NBEAL2: variants seen among roughly 807,000 people sequenced by gnomAD.
NBEAL2 encodes neurobeachin like 2.
NBEAL2 carries 160 observed loss-of-function variants against 299.8 expected under a neutral mutation model. That is an observed-to-expected ratio of 0.53 (90% CI 0.47 to 0.61). The LOEUF (loss-of-function observed/expected upper bound fraction) is 0.61, where lower values mean the gene tolerates loss of function less well. NBEAL2 is among the 20% of genes least tolerant of loss of function. The probability of loss-of-function intolerance (pLI) is 0.00; values close to 1 mark genes in which losing one functional copy is unlikely to be tolerated. For synonymous variants in NBEAL2, 1,493 were observed against 1,542.3 expected, an observed-to-expected ratio of 0.97 and a Z score of 0.75; for missense variants, 3,112 against 3,649.0, an observed-to-expected ratio of 0.85 and a Z score of 3.79.
Position 46,992,459 on chromosome 3 carries a change from C to T in NBEAL2, c.1033-16C>T, listed in dbSNP as rs371128165. 11 of 1,599,796 alleles carry T rather than the reference C, an allele frequency of 6.9e-6. No homozygotes were observed. The highest frequency in any genetic ancestry group is 2.7e-5 in the African/African-American group (2 of 74,408). ...TCTTTGCCTCCTCCACCCTGTGCCT[C>T]CCCACTTCCCCACAGCTGTACCTGC... On this transcript the variant is annotated splice_polypyrimidine_tract_variant and intron_variant, in intron 9 of 53. Transcript: ENST00000450053.
chr3:46,992,159 A>G (rs958857641), intron 9 of NBEAL2, among the ~76,000 whole-genome samples: 1 of 152,144 alleles, frequency 6.6e-6, no homozygotes, highest in African/African-American at 2.4e-5. Flanking sequence ...GGCTTAGGAC[A>G]TCTTTGTGCC....
At chr3:46,994,059 G>A (rs1219931610) in intron 11 of NBEAL2, 39 bp downstream of exon 11, 4 of 1,563,444 alleles carry the variant, frequency 2.6e-6, no homozygotes, top group Admixed American at 1.8e-5. Flanking sequence ...GGGGTGCGGG[G>A]TGGAGTTCAA....
chr3:46,995,759 G>A lies in NBEAL2; in HGVS notation c.1944G>A (p.Ala648=), dbSNP rs756248841. The change falls in exon 14 of 54, where the codon GCG becomes GCA. Residue 648 remains alanine, a synonymous_variant. Coordinates refer to ENST00000450053, the MANE Select transcript of NBEAL2 (RefSeq NM_015175.3). ...SGSGFEAFFT[A]AGTLVVAVCT... is the part of the protein sequence containing the mutation. The stretch of plus-strand genomic sequence containing the variant: ...CAGGGTTTGAGGCCTTCTTCACGGC[G>A]GCCGGGACCCTGGTGGTGGCTGTGT... 4.8e-5 allele frequency: 78 copies of A among 1,613,592 alleles called. No homozygotes were observed. The highest frequency in any genetic ancestry group is 5.9e-5 in the Non-Finnish European group (70 of 1,179,868).
At chr3:46,980,203 C>G (rs1354022631) in intron 1 of NBEAL2, among the ~76,000 whole-genome samples, 1 of 152,172 alleles carries the variant, frequency 6.6e-6, no homozygotes, top group African/African-American at 2.4e-5. Flanking sequence ...AGGAGAGTGG[C>G]CTGGGCCGAG....
rs778482854 is a variant in NBEAL2, at chr3:47,008,331, G to A, written c.7768G>A (p.Ala2590Thr). 1 of 1,613,068 alleles carries A rather than the reference G, an allele frequency of 6.2e-7. No homozygotes were observed. Among genetic ancestry groups the A allele is most frequent in the Non-Finnish European group, 8.5e-7 (1 of 1,179,438 alleles). Residue 2590 changes from alanine to threonine, a missense_variant, in exon 51 of 54, where the codon GCA becomes ACA. By Grantham distance (58) the Ala-to-Thr change is moderately conservative (BLOSUM62 0). Around this residue, in one of 3 missense-constraint regions of NBEAL2, gnomAD observed 348 missense variants for 381.4 expected, o/e 0.91. Coordinates refer to ENST00000450053, the MANE Select transcript of NBEAL2 (RefSeq NM_015175.3). Reference protein sequence around the residue: ...HTVRRGQFVAALRPLGATFPG... With the variant: ...HTVRRGQFVATLRPLGATFPG... ...TGTACGCCGCGGACAGTTTGTAGCG[G>A]CACTACGGCCTCTGGGTGCCACATT...
At chr3:46,999,513 T>A in intron 25 of NBEAL2, 39 bp downstream of exon 25, 19 of 1,582,290 alleles carry the variant, frequency 1.2e-5, no homozygotes, top group Non-Finnish European at 1.6e-5. Context: ...GGGTGACATG[T>A]CAGAAAAACA....
rs763618062 is a variant in NBEAL2, at chr3:47,002,280, G to T, written c.5143G>T (p.Asp1715Tyr). The T allele has an allele frequency of 6.4e-7, 1 of 1,570,812 alleles. No individual in the cohort carries two copies. The highest frequency in any genetic ancestry group is 1.2e-5 in the South Asian group (1 of 85,584). ...CATPEWRHFI[D>Y]KQVQPTMSQF... The stretch of plus-strand genomic sequence containing the variant: ...CACACCCGAATGGCGCCACTTCATC[G>T]ACAAACAGGTGCCTGGAGGTTGGGG... The change falls in exon 31 of 54, where the codon GAC becomes TAC. Residue 1715 changes from aspartate to tyrosine, a missense_variant. Transcript: ENST00000450053.
intron 1 of NBEAL2, among the ~76,000 whole-genome samples, chr3:46,980,636 G>C (rs1184960458): frequency 6.6e-6 from 1 of 152,102 alleles, no homozygotes; most frequent in Non-Finnish European, 1.5e-5. Flanking sequence ...AGGGAGGCCC[G>C]TTCCTCCTGA....
Position 47,000,786 on chromosome 3 carries a change from C to T in NBEAL2, c.4306-215C>T, listed in dbSNP as rs186011391. Among the ~76,000 whole-genome samples the T allele has an allele frequency of 8.2e-3, 1,256 of 152,330 alleles. 9 individuals carry two copies. Among genetic ancestry groups the T allele is most frequent in the Middle Eastern group, 0.034 (10 of 294 alleles). On this transcript the variant is annotated intron_variant, in intron 27 of 53. Transcript: ENST00000450053. This position sits in a 1 kb window ranked among gnomAD's most constrained non-coding sequence, Gnocchi z 4.5. Reference sequence around the variant, plus strand: ...GCCTCATCTCCTCTTGGGAGTCTGGCAAGACCCCAGGATTCTGCCTGGAAC... The same window carrying T: ...GCCTCATCTCCTCTTGGGAGTCTGGTAAGACCCCAGGATTCTGCCTGGAAC...
chr3:47,001,619 C>T lies in NBEAL2; in HGVS notation c.4645-70C>T. The T allele has an allele frequency of 6.3e-7, 1 of 1,593,092 alleles. No individual in the cohort carries two copies. The highest frequency in any genetic ancestry group is 8.6e-7 in the Non-Finnish European group (1 of 1,167,156). ...TACCTGGCCCCCAGCGCAAACTTTA[C>T]TTTGCTCCCTTTCCATGGACTCCTG... On this transcript the variant is annotated intron_variant, in intron 29 of 53. Coordinates refer to ENST00000450053, the MANE Select transcript of NBEAL2 (RefSeq NM_015175.3). This position sits in a 1 kb window ranked among gnomAD's most constrained non-coding sequence, Gnocchi z 6.1.
In NBEAL2 at chr3:47,002,069, G is replaced by A; in HGVS notation, c.4932G>A (p.Glu1644=). 1 of 1,552,616 alleles carries A rather than the reference G, an allele frequency of 6.4e-7. No individual in the cohort carries two copies. Among genetic ancestry groups the A allele is most frequent in the Non-Finnish European group, 8.7e-7 (1 of 1,148,118 alleles). The change falls in exon 31 of 54, where the codon GAG becomes GAA. Residue 1644 remains glutamate (E), a synonymous_variant. Coordinates refer to ENST00000450053, the MANE Select transcript of NBEAL2 (RefSeq NM_015175.3). ...CTTCCTTGGAGTCAGCCACTGATGA[G>A]GCAGGGTCCCCACTTGCAGCTGCAG... ...NTSSLESATD[E]AGSPLAAAAA...
rs777475139 is a variant in NBEAL2, at chr3:46,995,012, G to C, written c.1297-20G>C. On this transcript the variant is annotated intron_variant, in intron 12 of 53. Transcript: ENST00000450053. ...AGGGTGCCACAGCTGACCAGGGACT[G>C]TCATTCTCTCCACCCACAGGCTGTG... is the stretch of plus-strand genomic sequence containing the variant. The C allele has an allele frequency of 6.6e-7, 1 of 1,525,252 alleles. No homozygotes were observed. The highest frequency in any genetic ancestry group is 1.2e-5 in the South Asian group (1 of 80,770). 94.5% of individuals were successfully genotyped at this position (1,525,252 alleles called of 1,614,324 possible).
chr3:47,008,313 C>A lies in NBEAL2; in HGVS notation c.7750C>A (p.Arg2584Ser). Reference protein sequence around the residue: ...DGTVIIHTVRRGQFVAALRPL... With the variant: ...DGTVIIHTVRSGQFVAALRPL... ...AACTGTGATCATACACACTGTACGC[C>A]GCGGACAGTTTGTAGCGGCACTACG... Residue 2584 changes from arginine to serine, a missense_variant, in exon 51 of 54, where the codon CGC becomes AGC. Physicochemically the swap from Arg to Ser is moderately radical, Grantham distance 110. Transcript: ENST00000450053. 1 of 1,613,124 alleles carries A rather than the reference C, an allele frequency of 6.2e-7. No individual in the cohort carries two copies. Among genetic ancestry groups the A allele is most frequent in the South Asian group, 1.1e-5 (1 of 90,936 alleles).
chr3:46,983,730 G>C (rs1559577846), intron 1 of NBEAL2, among the ~76,000 whole-genome samples: 1 of 152,158 alleles, frequency 6.6e-6, no homozygotes, highest in Non-Finnish European at 1.5e-5. Context: ...AAGGAGAAGG[G>C]CCTGTAGTGA....
intron 9 of NBEAL2, among the ~76,000 whole-genome samples, chr3:46,992,210 C>T (rs1466361661): frequency 6.6e-6 from 1 of 152,200 alleles, no homozygotes; most frequent in East Asian, 1.9e-4. Flanking sequence ...GGGAGCTGCT[C>T]TGGTGCCTTG....
chr3:46,996,430 G>A lies in NBEAL2; in HGVS notation c.2311G>A (p.Gly771Arg), dbSNP rs775952133. 23 of 1,609,316 alleles carry A rather than the reference G, an allele frequency of 1.4e-5. No individual in the cohort carries two copies. Among genetic ancestry groups the A allele is most frequent in the Admixed American group, 3.3e-5 (2 of 59,764 alleles). ...PASTGLGWGS[G>R]LVAPLQEGSI... ...CTCCACAGGGCTTGGCTGGGGGTCC[G>A]GGCTGGTGGCCCCCCTGCAGGAGGG... is the stretch of plus-strand genomic sequence containing the variant. Residue 771 changes from glycine to arginine, a missense_variant, in exon 16 of 54, where the codon GGG becomes AGG. By Grantham distance (125) the Gly-to-Arg change is moderately radical. Coordinates refer to ENST00000450053, the MANE Select transcript of NBEAL2 (RefSeq NM_015175.3).
chr3:46,998,458 C>T lies in NBEAL2; in HGVS notation c.3119-5C>T. Reference sequence around the variant, plus strand: ...GGCCTGAGCCCTCTGCTCATTCCCGCTCAGGTCACATCCAGTACATGTCCA... The same window carrying T: ...GGCCTGAGCCCTCTGCTCATTCCCGTTCAGGTCACATCCAGTACATGTCCA... On this transcript the variant is annotated splice_region_variant and splice_polypyrimidine_tract_variant and intron_variant, in intron 21 of 53. Transcript: ENST00000450053. 1.9e-6 allele frequency: 3 copies of T among 1,611,190 alleles called. No individual in the cohort carries two copies. The highest frequency in any genetic ancestry group is 2.5e-6 in the Non-Finnish European group (3 of 1,178,876).
intron 21 of NBEAL2, 50 bp from the exon 22 acceptor site, chr3:46,998,413 A>C: frequency 6.4e-7 from 1 of 1,568,980 alleles, no homozygotes; most frequent in African/African-American, 1.4e-5. Flanking sequence ...GAGGATCTGA[A>C]GGGCCCAGCT....
At position 46,988,141 on chromosome 3, in the gene NBEAL2, A is replaced by G. The variant is rs965284372; in HGVS notation, c.52-528A>G. The G allele has an allele frequency of 3.5e-5, 37 of 1,069,108 alleles. No individual in the cohort carries two copies. The highest frequency in any genetic ancestry group is 2.5e-4 in the Middle Eastern group (1 of 4,018). 66.2% of individuals were successfully genotyped at this position (1,069,108 alleles called of 1,614,324 possible). A position where few individuals can be genotyped will look rare whatever the true frequency, so the allele number is the denominator to read the frequency against. ...CAGGGCCGCACATGAGGATGTGCGCATGTCTGGGTCTGCCTGTCTAATGGT... is the reference window on the plus strand; with the variant it reads ...CAGGGCCGCACATGAGGATGTGCGCGTGTCTGGGTCTGCCTGTCTAATGGT... On this transcript the variant is annotated intron_variant, in intron 1 of 53. Coordinates refer to ENST00000450053, the MANE Select transcript of NBEAL2 (RefSeq NM_015175.3). The surrounding 1 kb of genome is among the most constrained non-coding windows in gnomAD (Gnocchi z 4.4).
Sources: gnomAD v4.1 joint callset for allele counts (sites outside exome capture counted in the v4.1 genomes callset) on GRCh38, gnomAD v4.1.1 for gene constraint, gnomAD v4.1.1 regional missense constraint, Gnocchi (gnomAD v3.1) non-coding constraint, MANE v1.5 for transcripts, NCBI Gene and HGNC (gene_info 2026-07-23, HGNC 2026-07-21) for gene names.